The following ATP11A variants were observed in gnomAD, a reference collection of about 807,000 sequenced individuals.
ATP11A encodes phospholipid-transporting ATPase IH.
In ATP11A, 81 loss-of-function variants were observed where a neutral mutation model predicts 154.4. That is an observed-to-expected ratio of 0.52 (90% CI 0.44 to 0.63). The LOEUF (loss-of-function observed/expected upper bound fraction) is 0.63, where lower values mean the gene tolerates loss of function less well. Among genes scored for constraint, ATP11A ranks in the 30% least tolerant of loss-of-function variants. The probability of loss-of-function intolerance (pLI) is 0.00; values close to 1 mark genes in which losing one functional copy is unlikely to be tolerated. For missense variants in ATP11A, 1,316 were observed against 1,474.3 expected, an observed-to-expected ratio of 0.89 and a Z score of 1.76; for synonymous variants, 623 against 585.9, an observed-to-expected ratio of 1.06 and a Z score of -0.91.
In ATP11A at chr13:112,728,604, C is replaced by T. The variant is rs531834963; in HGVS notation, c.39+38149C>T. Among the ~76,000 whole-genome samples the T allele has an allele frequency of 1.6e-4, 23 of 144,518 alleles. No individual in the cohort carries two copies. In the South Asian group the frequency reaches 2.0e-3, roughly 13 times the overall value. The allele number at this position is 144,518 out of a possible 152,430, so 94.8% of individuals were successfully genotyped here. On this transcript the variant is annotated intron_variant, in intron 1 of 29. Transcript: ENST00000375645. ...TGTCACTATCCACTCGTGGGGGGGCCGTGAGACCGTGCGGCCCGCCTCCCT... is the reference window on the plus strand; with the variant it reads ...TGTCACTATCCACTCGTGGGGGGGCTGTGAGACCGTGCGGCCCGCCTCCCT...
intron 5 of ATP11A, chr13:112,811,628 C>CA (rs1304680689): frequency 1.3e-5 from 2 of 152,222 alleles, no homozygotes; most frequent in East Asian, 3.9e-4. Flanking sequence ...TTTTAAGAGA[C>CA]AGAGTCTTGC....
At chr13:112,861,142 T>C (rs917826598) in intron 24 of ATP11A, among the ~76,000 whole-genome samples, 1 of 152,018 alleles carries the variant, frequency 6.6e-6, no homozygotes, top group Non-Finnish European at 1.5e-5. Flanking sequence ...CCATCAGATA[T>C]CGTGAGACTT....
intron 1 of ATP11A, among the ~76,000 whole-genome samples, chr13:112,738,491 A>G (rs954482302): frequency 1.7e-4 from 26 of 152,230 alleles, no homozygotes; most frequent in Admixed American, 7.2e-4. Context: ...TTTACTGCAA[A>G]TAGGAAAAGC....
chr13:112,863,008 C>G (rs1274231286), intron 25 of ATP11A, among the ~76,000 whole-genome samples: 1 of 148,970 alleles, frequency 6.7e-6, no homozygotes, highest in African/African-American at 2.6e-5. Flanking sequence ...TGCAGCTTCC[C>G]AGCGGGGTCC....
At chr13:112,808,158 G>A (rs2078376250) in intron 4 of ATP11A, among the ~76,000 whole-genome samples, 1 of 152,130 alleles carries the variant, frequency 6.6e-6, no homozygotes. Flanking sequence ...CACGGCCCCA[G>A]ACAACATGTG....
chr13:112,691,441 G>A (rs866223060), intron 1 of ATP11A, among the ~76,000 whole-genome samples: 79 of 148,878 alleles, frequency 5.3e-4, no homozygotes, highest in African/African-American at 1.8e-3. Context: ...TCCAACCTGG[G>A]TGACAGAGCG....
Position 112,833,006 on chromosome 13 carries a change from G to C in ATP11A, c.1542G>C (p.Leu514=). The change falls in exon 14 of 30, where the codon CTG becomes CTC. Residue 514 remains leucine (L), a synonymous_variant. Transcript: ENST00000375645. ...YISSSPDEVA[L]VEGVQRLGFT... Reference sequence around the variant, plus strand: ...CATCCTCGCCCGACGAGGTGGCGCTGGTCGAAGGTGTCCAGAGGTACGTCG... The same window carrying C: ...CATCCTCGCCCGACGAGGTGGCGCTCGTCGAAGGTGTCCAGAGGTACGTCG... 1.2e-6 allele frequency: 2 copies of C among 1,612,866 alleles called. No homozygotes were observed. The highest frequency in any genetic ancestry group is 1.1e-5 in the South Asian group (1 of 90,986).
At chr13:112,770,512 G>C (rs750676690) in intron 1 of ATP11A, among the ~76,000 whole-genome samples, 9 of 152,334 alleles carry the variant, frequency 5.9e-5, no homozygotes, top group African/African-American at 2.2e-4. Context: ...CCAGTGGCTC[G>C]GACCAAGGAG....
intron 1 of ATP11A, among the ~76,000 whole-genome samples, chr13:112,777,966 C>T (rs1431137638): frequency 6.6e-6 from 1 of 152,204 alleles, no homozygotes; most frequent in East Asian, 1.9e-4. Context: ...GGCCTGGCCC[C>T]GAAGAAGGCA....
chr13:112,763,965 G>C (rs1329701609), intron 1 of ATP11A, among the ~76,000 whole-genome samples: 1 of 152,234 alleles, frequency 6.6e-6, no homozygotes, highest in Non-Finnish European at 1.5e-5. Context: ...CCATGTCACA[G>C]GCCATGGTTT....
At position 112,838,977 on chromosome 13, in the gene ATP11A, G is replaced by A. The variant is rs925599832; in HGVS notation, c.1705+2726G>A. 3.9e-5 allele frequency among the ~76,000 whole-genome samples: 6 copies of A among 152,290 alleles called. No individual in the cohort carries two copies. In the East Asian group the frequency reaches 7.8e-4, roughly 20 times the overall value. On this transcript the variant is annotated intron_variant, in intron 16 of 29. Transcript: ENST00000375645. This position sits in a 1 kb window ranked among gnomAD's most constrained non-coding sequence, Gnocchi z 7.3. The stretch of plus-strand genomic sequence containing the variant: ...TGGGCTCAGCCCTGTAGGGGGTTGC[G>A]GCTGTCAGAGCCGGATCTCACTGTT...
intron 18 of ATP11A, 187 bp downstream of exon 18, chr13:112,851,405 G>T (rs924170386): frequency 3.3e-5 from 16 of 489,568 alleles, no homozygotes; most frequent in African/African-American, 3.0e-4. Flanking sequence ...CATGCCTGGG[G>T]GATATTTTGT....
intron 1 of ATP11A, among the ~76,000 whole-genome samples, chr13:112,724,469 T>C (rs537779808): frequency 1.3e-4 from 20 of 148,164 alleles, no homozygotes; most frequent in African/African-American, 5.2e-4. Context: ...GGGAGCCCCC[T>C]GTCCCCGTGG....
chr13:112,771,427 C>A (rs953948659), intron 1 of ATP11A, among the ~76,000 whole-genome samples: 1 of 152,154 alleles, frequency 6.6e-6, no homozygotes, highest in Non-Finnish European at 1.5e-5. Context: ...GAGGAGTTGC[C>A]CCCTTGGTTA....
chr13:112,728,454 G>A (rs1373977275), intron 1 of ATP11A, among the ~76,000 whole-genome samples: 1 of 150,118 alleles, frequency 6.7e-6, no homozygotes, highest in Non-Finnish European at 1.5e-5. Flanking sequence ...CACGTGGAGG[G>A]GCCGTGAGAC....
intron 1 of ATP11A, among the ~76,000 whole-genome samples, chr13:112,770,415 AAAGG>A (rs1240989454): frequency 6.6e-6 from 1 of 152,168 alleles, no homozygotes; most frequent in Non-Finnish European, 1.5e-5. Flanking sequence ...AGAAAAGAAA[AAAGG>A]AAGGAGAGAA....
intron 1 of ATP11A, among the ~76,000 whole-genome samples, chr13:112,715,000 G>C (rs1001599431): frequency 3.9e-5 from 6 of 152,058 alleles, no homozygotes; most frequent in African/African-American, 1.5e-4. Context: ...GTATTTGTCA[G>C]CTCAAATGAG....
chr13:112,857,055 C>T (rs984239539), intron 20 of ATP11A, among the ~76,000 whole-genome samples: 1 of 152,218 alleles, frequency 6.6e-6, no homozygotes, highest in Non-Finnish European at 1.5e-5. Flanking sequence ...GGAACAGCAA[C>T]TAAGGATTTG....
chr13:112,839,480 C>A (rs1018478949), intron 16 of ATP11A, among the ~76,000 whole-genome samples: 3 of 152,140 alleles, frequency 2.0e-5, no homozygotes, highest in African/African-American at 7.2e-5. Context: ...AAAGACCCCC[C>A]ACCATGGGCT....
Sources: gnomAD v4.1 joint callset for allele counts (sites outside exome capture counted in the v4.1 genomes callset) on GRCh38, gnomAD v4.1.1 for gene constraint, Gnocchi (gnomAD v3.1) non-coding constraint, MANE v1.5 for transcripts, NCBI Gene and HGNC (gene_info 2026-07-23, HGNC 2026-07-21) for gene names.